SERTAD2: variants seen among roughly 807,000 people sequenced by gnomAD.
SERTAD2 encodes SERTA domain containing 2, also known as SERTA domain-containing protein 2.
SERTAD2 carries 2 observed loss-of-function variants against 15.4 expected under a neutral mutation model. The ratio of observed to expected loss-of-function variants is 0.13; its 90% confidence interval spans 0.05 to 0.41. The LOEUF (loss-of-function observed/expected upper bound fraction) is 0.41, where lower values mean the gene tolerates loss of function less well. SERTAD2 is among the 10% of genes least tolerant of loss of function. The pLI, the probability that SERTAD2 is intolerant of heterozygous loss-of-function variation, is 0.99. For missense variants in SERTAD2, 333 were observed against 409.7 expected (o/e 0.81, Z 1.62); for synonymous variants, 180 against 178.0 (o/e 1.01, Z -0.09).
At chr2:64,641,493 C>T (rs1342163446) in intron 1 of SERTAD2, among the ~76,000 whole-genome samples, 3 of 152,160 alleles carry the variant, frequency 2.0e-5, no homozygotes, top group Admixed American at 6.5e-5. Flanking sequence ...AGGGCACAGA[C>T]GGTGTGTGTT....
chr2:64,647,709 G>C (rs1674935413), intron 1 of SERTAD2, among the ~76,000 whole-genome samples: 1 of 151,034 alleles, frequency 6.6e-6, no homozygotes, highest in East Asian at 1.9e-4. Flanking sequence ...ATATATGTAA[G>C]TCTTACTAAA....
At chr2:64,643,821 G>C (rs373345010) in intron 1 of SERTAD2, among the ~76,000 whole-genome samples, 1 of 152,048 alleles carries the variant, frequency 6.6e-6, no homozygotes, top group African/African-American at 2.4e-5. Flanking sequence ...AGCCGAGATC[G>C]CGCCACTGCA....
At position 64,636,833 on chromosome 2, in the gene SERTAD2, A is replaced by G; in HGVS notation, c.39T>C (p.His13=). The part of the protein sequence containing the change: ...GKGGKRKFDE[H]EDGLEGKIVS... ...CGATTTTGCCTTCCAGCCCATCTTC[A>G]TGCTCATCAAACTTCCGTTTTCCTC... Residue 13 remains histidine (H), a synonymous_variant, in exon 2 of 2, where the codon CAT becomes CAC. Transcript: ENST00000313349. 6.2e-6 allele frequency: 10 copies of G among 1,613,956 alleles called. No homozygotes were observed. The highest frequency in any genetic ancestry group is 8.5e-6 in the Non-Finnish European group (10 of 1,179,866).
chr2:64,635,546 C>T lies in SERTAD2; in HGVS notation c.*381G>A, dbSNP rs888412387. 5.7e-6 allele frequency: 1 copy of T among 174,564 alleles called. No homozygotes were observed. Among genetic ancestry groups the T allele is most frequent in the Non-Finnish European group, 1.3e-5 (1 of 79,164 alleles). The allele number at this position is 174,564 out of a possible 1,614,324, so 10.8% of individuals were successfully genotyped here. A position where few individuals can be genotyped will look rare whatever the true frequency, so the allele number is the denominator to read the frequency against. On this transcript the variant is annotated 3_prime_UTR_variant, in exon 2 of 2. Transcript: ENST00000313349. The stretch of plus-strand genomic sequence containing the variant: ...TAAGATATATATATATAGTTTTCTT[C>T]TTTACCTCTTGCAATAAAACTTATA...
intron 1 of SERTAD2, among the ~76,000 whole-genome samples, chr2:64,642,057 C>T (rs888085463): frequency 1.3e-5 from 2 of 152,164 alleles, no homozygotes; most frequent in East Asian, 3.8e-4. Context: ...AAGTTTAGGC[C>T]GGAGGATATC....
At chr2:64,644,826 T>A (rs910800068) in intron 1 of SERTAD2, 1 of 152,150 alleles carries the variant, frequency 6.6e-6, no homozygotes, top group African/African-American at 2.4e-5. Context: ...GGCTGTCCCC[T>A]CCAGCACAGT....
chr2:64,644,871 C>CAA (rs1674860799), intron 1 of SERTAD2: 1 of 152,374 alleles, frequency 6.6e-6, no homozygotes, highest in Non-Finnish European at 1.5e-5. Flanking sequence ...ACAGCAAAAG[C>CAA]AAACCTGAGA....
rs1228307117 is a variant in SERTAD2 at position 64,636,172 on chromosome 2, A to C, written c.700T>G (p.Ser234Ala). The change falls in exon 2 of 2, where the codon TCC (serine) becomes GCC (alanine). Residue 234 changes from serine to alanine, a missense_variant. This residue lies in a region of SERTAD2 where 332 missense variants were observed against 392.9 expected (regional missense o/e 0.84). Transcript: ENST00000313349. ...SLPGNFEITT[S>A]TGFLTDLTLD... ...GTCAAGTCTGTCAGGAAACCCGTGGACGTCGTTATTTCAAAATTCCCAGGC... is the reference window on the plus strand; with the variant it reads ...GTCAAGTCTGTCAGGAAACCCGTGGCCGTCGTTATTTCAAAATTCCCAGGC... 6.2e-7 allele frequency: 1 copy of C among 1,614,070 alleles called. No homozygotes were observed. Among genetic ancestry groups the C allele is most frequent in the Admixed American group, 1.7e-5 (1 of 59,996 alleles).
At chr2:64,644,206 G>C (rs886133701) in intron 1 of SERTAD2, among the ~76,000 whole-genome samples, 30 of 152,230 alleles carry the variant, frequency 2.0e-4, no homozygotes, top group African/African-American at 5.5e-4. Context: ...GTCTTTTGGT[G>C]GTGGTGGTAG....
rs768760241 is a variant in SERTAD2 at position 64,631,646 on chromosome 2, A to G, written c.*4281T>C. The G allele has an allele frequency of 6.5e-6, 1 of 152,690 alleles. No individual in the cohort carries two copies. The highest frequency in any genetic ancestry group is 1.5e-5 in the Non-Finnish European group (1 of 68,046). 9.5% of individuals were successfully genotyped at this position (152,690 alleles called of 1,614,324 possible). ...TCATCTTTTAACTGTTTATTGTATAATATAAAACTACAAAAGTAAGACTGC... is the reference window on the plus strand; with the variant it reads ...TCATCTTTTAACTGTTTATTGTATAGTATAAAACTACAAAAGTAAGACTGC... On this transcript the variant is annotated 3_prime_UTR_variant, in exon 2 of 2. Coordinates refer to ENST00000313349, the MANE Select transcript of SERTAD2 (RefSeq NM_014755.3).
At chr2:64,653,219 C>A (rs534864990) in intron 1 of SERTAD2, among the ~76,000 whole-genome samples, 48 of 152,338 alleles carry the variant, frequency 3.2e-4, no homozygotes, top group African/African-American at 9.6e-4. Context: ...GCAGCCTTCG[C>A]GCCAGCAATC....
chr2:64,648,831 T>C (rs986437933), intron 1 of SERTAD2, among the ~76,000 whole-genome samples: 14 of 152,148 alleles, frequency 9.2e-5, no homozygotes, highest in Non-Finnish European at 1.8e-4. Flanking sequence ...TTTCTGGACA[T>C]GGTAAAACTA....
In SERTAD2 at chr2:64,636,244, C is replaced by CTCG. The variant is rs779553458; in HGVS notation, c.627_628insCGA (p.Asp209_Gly210insArg). On this transcript the variant is annotated inframe_insertion, in exon 2 of 2. Coordinates refer to ENST00000313349, the MANE Select transcript of SERTAD2 (RefSeq NM_014755.3). Reference sequence around the variant, plus strand: ...TCATCTGCGCGGCTCTCTTGAGGACCGTCGAGTTTCTGGGTGCCAGCCTCG... The same window carrying CTCG: ...TCATCTGCGCGGCTCTCTTGAGGACCTCGGTCGAGTTTCTGGGTGCCAGCCTCG... The CTCG allele has an allele frequency of 8.1e-6, 13 of 1,614,182 alleles. No homozygotes were observed. The Admixed American group carries it at 1.3e-4, about 17-fold the overall frequency.
At chr2:64,645,422 T>C (rs537215027) in intron 1 of SERTAD2, among the ~76,000 whole-genome samples, 1 of 152,310 alleles carries the variant, frequency 6.6e-6, no homozygotes, top group Non-Finnish European at 1.5e-5. Flanking sequence ...ACACTGAAAT[T>C]CGAACAGGAA....
intron 1 of SERTAD2, chr2:64,644,907 G>A (rs557343892): frequency 6.6e-6 from 1 of 152,500 alleles, no homozygotes; most frequent in Non-Finnish European, 1.5e-5. Flanking sequence ...GTCTGGCCCA[G>A]GGGAGTGGGC....
At chr2:64,653,223 A>G (rs1028644111) in intron 1 of SERTAD2, among the ~76,000 whole-genome samples, 2 of 152,208 alleles carry the variant, frequency 1.3e-5, no homozygotes, top group African/African-American at 4.8e-5. Context: ...CCTTCGCGCC[A>G]GCAATCCGAG....
At chr2:64,651,485 G>A (rs979120563) in intron 1 of SERTAD2, among the ~76,000 whole-genome samples, 1 of 152,154 alleles carries the variant, frequency 6.6e-6, no homozygotes, top group Admixed American at 6.5e-5. Flanking sequence ...TTGGAACCCT[G>A]TTTAAAATAG....
chr2:64,653,249 C>T (rs1408846994), intron 1 of SERTAD2, among the ~76,000 whole-genome samples: 2 of 152,340 alleles, frequency 1.3e-5, no homozygotes, highest in East Asian at 1.9e-4. Context: ...AAAAAAGTCT[C>T]GCACGTTCAC....
chr2:64,642,871 T>C (rs999297659), intron 1 of SERTAD2, among the ~76,000 whole-genome samples: 2 of 152,250 alleles, frequency 1.3e-5, no homozygotes, highest in African/African-American at 4.8e-5. Flanking sequence ...TGTTTTAACT[T>C]GATTCATCCC....
Sources: gnomAD v4.1 joint callset for allele counts (sites outside exome capture counted in the v4.1 genomes callset) on GRCh38, gnomAD v4.1.1 for gene constraint, gnomAD v4.1.1 regional missense constraint, MANE v1.5 for transcripts, NCBI Gene and HGNC (gene_info 2026-07-23, HGNC 2026-07-21) for gene names.